PBX1: variants seen among roughly 807,000 people sequenced by gnomAD.
PBX1 encodes PBX homeobox 1, also known as pre-B-cell leukemia transcription factor 1.
In PBX1, 6 loss-of-function variants were observed where a neutral mutation model predicts 53.4. That is an observed-to-expected ratio of 0.11 (90% CI 0.06 to 0.22). The LOEUF is 0.22. PBX1 is among the 10% of genes least tolerant of loss of function. The pLI is 1.00. For synonymous variants in PBX1, 204 were observed against 212.3 expected (o/e 0.96, Z 0.34); for missense variants, 251 against 551.4 (o/e 0.46, Z 5.46).
At chr1:164,875,755 T>C (rs756440485) in intron 2 of PBX1, among the ~76,000 whole-genome samples, 62 of 152,072 alleles carry the variant, frequency 4.1e-4, no homozygotes, top group Non-Finnish European at 7.8e-4. Flanking sequence ...AACCAGCCCT[T>C]TCTTAAAGGG....
intron 2 of PBX1, among the ~76,000 whole-genome samples, chr1:164,879,273 A>G (rs2488915): frequency 0.85 from 128,771 of 152,192 alleles, 55,757 homozygotes; most frequent in Middle Eastern, 0.93. Context: ...AGAAACACCT[A>G]TTTGGAGTTG....
At chr1:164,686,403 C>T (rs1340087606) in intron 2 of PBX1, among the ~76,000 whole-genome samples, 1 of 150,328 alleles carries the variant, frequency 6.7e-6, no homozygotes, top group African/African-American at 2.4e-5. Context: ...GGGAAACTTC[C>T]ATGGCCCATT....
At position 164,706,497 on chromosome 1, in the gene PBX1, A is replaced by C. The variant is rs1663433074; in HGVS notation, c.266-85997A>C. 2.0e-5 allele frequency among the ~76,000 whole-genome samples: 3 copies of C among 152,290 alleles called. No individual in the cohort carries two copies. In the South Asian group the frequency reaches 6.2e-4, roughly 32 times the overall value. ...GCACGGTTTCCTTAAATCATAATATATCTTGTTAGAGTTTTTAAACTACTA... is the reference window on the plus strand; with the variant it reads ...GCACGGTTTCCTTAAATCATAATATCTCTTGTTAGAGTTTTTAAACTACTA... On this transcript the variant is annotated intron_variant, in intron 2 of 8. Transcript: ENST00000420696.
At chr1:164,801,183 G>A (rs893851912) in intron 4 of PBX1, among the ~76,000 whole-genome samples, 2 of 152,150 alleles carry the variant, frequency 1.3e-5, no homozygotes, top group African/African-American at 4.8e-5. Flanking sequence ...AACGAAGGCC[G>A]TTTTCCCCAG....
chr1:164,811,017 A>G (rs1449894138), intron 5 of PBX1, among the ~76,000 whole-genome samples: 1 of 152,218 alleles, frequency 6.6e-6, no homozygotes, highest in Non-Finnish European at 1.5e-5. Context: ...GTTGGGAGTT[A>G]AATATCAATG....
At chr1:164,620,079 G>A (rs1038250959) in intron 2 of PBX1, among the ~76,000 whole-genome samples, 2 of 152,112 alleles carry the variant, frequency 1.3e-5, no homozygotes, top group Non-Finnish European at 2.9e-5. Flanking sequence ...TGTAGTCCTA[G>A]CTACTCAGGA....
intron 2 of PBX1, among the ~76,000 whole-genome samples, chr1:164,589,543 C>T (rs897443024): frequency 1.1e-4 from 17 of 152,174 alleles, no homozygotes; most frequent in Admixed American, 9.8e-4. Context: ...CAAATTACTT[C>T]TTCCAGAGTG....
chr1:164,686,834 G>T (rs1193235706), intron 2 of PBX1, among the ~76,000 whole-genome samples: 2 of 152,004 alleles, frequency 1.3e-5, no homozygotes, highest in African/African-American at 4.8e-5. Context: ...GCGGGCGCCT[G>T]TAGTCCCAGC....
intron 2 of PBX1, among the ~76,000 whole-genome samples, chr1:164,774,085 T>G (rs1276128433): frequency 1.3e-5 from 2 of 152,304 alleles, no homozygotes; most frequent in East Asian, 3.9e-4. Flanking sequence ...GGAAAGCTAA[T>G]GAGTTGTTGA....
chr1:164,666,367 T>C (rs1245493875), intron 2 of PBX1, among the ~76,000 whole-genome samples: 1 of 152,206 alleles, frequency 6.6e-6, no homozygotes, highest in South Asian at 2.1e-4. Flanking sequence ...TTATTCTTAT[T>C]TGTTGTTTTT....
At chr1:164,641,605 C>T (rs1373328606) in intron 2 of PBX1, 1 of 152,226 alleles carries the variant, frequency 6.6e-6, no homozygotes, top group Non-Finnish European at 1.5e-5. Flanking sequence ...CAGCTATTCA[C>T]TACAGAGGCA....
At chr1:164,736,577 C>G (rs772796433) in intron 2 of PBX1, among the ~76,000 whole-genome samples, 44 of 152,268 alleles carry the variant, frequency 2.9e-4, no homozygotes, top group Middle Eastern at 3.4e-3. Flanking sequence ...ACAGAAGGAA[C>G]AATGACATAT....
At chr1:164,682,271 A>C (rs1320448107) in intron 2 of PBX1, 1 of 152,208 alleles carries the variant, frequency 6.6e-6, no homozygotes, top group East Asian at 1.9e-4. Context: ...GAGAGCAGAC[A>C]CTTCAGTTGG....
At chr1:164,817,255 G>T (rs1669918456) in intron 6 of PBX1, 1 of 152,218 alleles carries the variant, frequency 6.6e-6, no homozygotes, top group Non-Finnish European at 1.5e-5. Context: ...GAATGCCACA[G>T]CACCTCCAAG....
intron 2 of PBX1, among the ~76,000 whole-genome samples, chr1:164,757,664 G>T (rs1666602041): frequency 6.6e-6 from 1 of 152,058 alleles, no homozygotes; most frequent in African/African-American, 2.4e-5. Flanking sequence ...AATAAGAAAG[G>T]ATTTCTAAAA....
chr1:164,677,125 G>T (rs1016218774), intron 2 of PBX1, among the ~76,000 whole-genome samples: 1 of 135,940 alleles, frequency 7.4e-6, no homozygotes, highest in Non-Finnish European at 1.5e-5. Flanking sequence ...TCGCTCTGTC[G>T]CCCAGGCCGG....
intron 2 of PBX1, among the ~76,000 whole-genome samples, chr1:164,632,027 G>A: frequency 6.6e-6 from 1 of 152,176 alleles, no homozygotes; most frequent in Non-Finnish European, 1.5e-5. Flanking sequence ...CAAATCACAG[G>A]CTGTTGTTAG....
At chr1:164,869,466 G>T (rs1023306578) in intron 2 of PBX1, among the ~76,000 whole-genome samples, 11 of 152,142 alleles carry the variant, frequency 7.2e-5, no homozygotes, top group Admixed American at 7.2e-4. Flanking sequence ...TGGTTCACGT[G>T]TCCCTGAATC....
At chr1:164,676,881 T>C (rs1355101909) in intron 2 of PBX1, among the ~76,000 whole-genome samples, 1 of 152,096 alleles carries the variant, frequency 6.6e-6, no homozygotes, top group East Asian at 1.9e-4. Flanking sequence ...GTTGGAATGT[T>C]TTTACTTTTA....
Sources: gnomAD v4.1 joint callset for allele counts (sites outside exome capture counted in the v4.1 genomes callset) on GRCh38, gnomAD v4.1.1 for gene constraint, MANE v1.5 for transcripts, NCBI Gene and HGNC (gene_info 2026-07-23, HGNC 2026-07-21) for gene names.